Variants in SHISA6 observed in about 807,000 individuals in gnomAD.
SHISA6 encodes the protein shisa family member 6.
In SHISA6, 22 loss-of-function variants were observed where a neutral mutation model predicts 47.9. That is an observed-to-expected ratio of 0.46 (90% CI 0.33 to 0.66). SHISA6 has a LOEUF of 0.66. Among genes scored for constraint, SHISA6 ranks in the 30% least tolerant of loss-of-function variants. The pLI is 0.02. For synonymous variants in SHISA6, 388 were observed against 337.8 expected (o/e 1.15, Z -1.63); for missense variants, 680 against 764.6 (o/e 0.89, Z 1.30).
At chr17:11,259,878 G>T (rs1193320457) in intron 1 of SHISA6, among the ~76,000 whole-genome samples, 1 of 152,158 alleles carries the variant, frequency 6.6e-6, no homozygotes, top group Non-Finnish European at 1.5e-5. Flanking sequence ...GGATGCCCGG[G>T]CTCAAGTCAG....
chr17:11,432,979 G>C (rs568531318), intron 3 of SHISA6, among the ~76,000 whole-genome samples: 2 of 152,128 alleles, frequency 1.3e-5, no homozygotes, highest in Non-Finnish European at 2.9e-5. Context: ...TTTGATTGTG[G>C]TAACAGTTGC....
At chr17:11,334,129 CCT>C (rs1911232034) in intron 2 of SHISA6, among the ~76,000 whole-genome samples, 1 of 152,098 alleles carries the variant, frequency 6.6e-6, no homozygotes, top group African/African-American at 2.4e-5. Context: ...ATGGAAATCC[CCT>C]GTTTATAGCC....
At chr17:11,504,465 G>C (rs113591511) in intron 3 of SHISA6, among the ~76,000 whole-genome samples, 63 of 152,298 alleles carry the variant, frequency 4.1e-4, no homozygotes, top group African/African-American at 1.4e-3. Flanking sequence ...TCATTTAGAA[G>C]AGACTTGTCT....
At chr17:11,282,720 C>T (rs1254115356) in intron 2 of SHISA6, among the ~76,000 whole-genome samples, 4 of 152,152 alleles carry the variant, frequency 2.6e-5, no homozygotes, top group African/African-American at 4.8e-5. Context: ...CATGGTATTC[C>T]ATCTGCTATC....
intron 2 of SHISA6, among the ~76,000 whole-genome samples, chr17:11,353,373 C>T (rs1024070233): frequency 6.6e-6 from 1 of 151,132 alleles, no homozygotes; most frequent in Non-Finnish European, 1.5e-5. Context: ...AAAAGAATCG[C>T]GTGAACCCAG....
chr17:11,326,115 C>CA (rs1910879411), intron 2 of SHISA6, among the ~76,000 whole-genome samples: 2 of 152,104 alleles, frequency 1.3e-5, no homozygotes, highest in Middle Eastern at 3.4e-3. Context: ...ACTAAAAATA[C>CA]AAAAAATTAG....
intron 3 of SHISA6, among the ~76,000 whole-genome samples, chr17:11,470,148 G>A (rs940431829): frequency 2.6e-5 from 4 of 152,146 alleles, no homozygotes; most frequent in African/African-American, 7.2e-5. Flanking sequence ...ATCTAGAACC[G>A]TGGGGGAATA....
intron 3 of SHISA6, among the ~76,000 whole-genome samples, chr17:11,423,857 A>T (rs1248312403): frequency 6.6e-6 from 1 of 152,104 alleles, no homozygotes; most frequent in Non-Finnish European, 1.5e-5. Context: ...AAAAACAGGT[A>T]ACTGAAAAAG....
chr17:11,268,030 C>A (rs950490019), intron 2 of SHISA6, among the ~76,000 whole-genome samples: 1 of 152,154 alleles, frequency 6.6e-6, no homozygotes, highest in Admixed American at 6.5e-5. Flanking sequence ...ACCTCACCCC[C>A]TCCTAAAGAG....
chr17:11,398,587 T>C (rs1316812837), intron 3 of SHISA6, among the ~76,000 whole-genome samples: 1 of 151,692 alleles, frequency 6.6e-6, no homozygotes, highest in Non-Finnish European at 1.5e-5. Flanking sequence ...TTTTTTTGTT[T>C]GCTTGTTTTT....
intron 5 of SHISA6, among the ~76,000 whole-genome samples, chr17:11,556,451 G>A (rs939860948): frequency 2.6e-5 from 4 of 152,092 alleles, no homozygotes; most frequent in Non-Finnish European, 4.4e-5. Flanking sequence ...GGGCATCAAT[G>A]GGTTAAAGAT....
At chr17:11,458,479 C>T (rs979140505) in intron 3 of SHISA6, among the ~76,000 whole-genome samples, 4 of 152,132 alleles carry the variant, frequency 2.6e-5, no homozygotes, top group Non-Finnish European at 4.4e-5. Context: ...TGATTTCTGT[C>T]GCCACGCTGT....
At chr17:11,410,953 A>AT (rs946469360) in intron 3 of SHISA6, among the ~76,000 whole-genome samples, 11 of 151,892 alleles carry the variant, frequency 7.2e-5, no homozygotes, top group African/African-American at 2.2e-4. Context: ...AATTCTGTCT[A>AT]TTTTTTTTAT....
chr17:11,267,179 A>G (rs879628156), intron 2 of SHISA6, among the ~76,000 whole-genome samples: 32 of 152,278 alleles, frequency 2.1e-4, no homozygotes, highest in Non-Finnish European at 4.4e-4. Context: ...CCCATAAGGA[A>G]CACTTGGTTT....
At chr17:11,352,566 T>C (rs1911924674) in intron 2 of SHISA6, among the ~76,000 whole-genome samples, 1 of 152,166 alleles carries the variant, frequency 6.6e-6, no homozygotes. Context: ...CTGCTAATCA[T>C]ACCCACAGGG....
chr17:11,383,637 G>A (rs205052), intron 3 of SHISA6, among the ~76,000 whole-genome samples: 7 of 151,922 alleles, frequency 4.6e-5, no homozygotes, highest in Non-Finnish European at 1.0e-4. Context: ...TCTGACACCC[G>A]TTTTCAGGAC....
intron 1 of SHISA6, among the ~76,000 whole-genome samples, chr17:11,251,350 G>T (rs759915079): frequency 1.3e-5 from 2 of 151,718 alleles, no homozygotes; most frequent in Non-Finnish European, 2.9e-5. Flanking sequence ...AGGAATATAT[G>T]ATATTGGCTG....
intron 3 of SHISA6, among the ~76,000 whole-genome samples, chr17:11,527,993 T>C (rs2071700437): frequency 6.6e-6 from 1 of 152,186 alleles, no homozygotes; most frequent in South Asian, 2.1e-4. Flanking sequence ...TACTGGTAAT[T>C]ATGTACTCAT....
chr17:11,395,811 C>A (rs1258742165), intron 3 of SHISA6, among the ~76,000 whole-genome samples: 1 of 152,144 alleles, frequency 6.6e-6, no homozygotes, highest in African/African-American at 2.4e-5. Context: ...AACCACCGTG[C>A]CCGGCCAGTT....
Sources: gnomAD v4.1 joint callset for allele counts (sites outside exome capture counted in the v4.1 genomes callset) on GRCh38, gnomAD v4.1.1 for gene constraint, MANE v1.5 for transcripts, NCBI Gene and HGNC (gene_info 2026-07-23, HGNC 2026-07-21) for gene names.